Variants in GRHL2 observed in about 807,000 individuals in gnomAD.
GRHL2 encodes the protein grainyhead like transcription factor 2, also known as grainyhead-like protein 2 homolog.
A neutral mutation model predicts 83.8 loss-of-function variants in GRHL2; 21 were observed. The observed-to-expected ratio is 0.25, with a 90% confidence interval of 0.18 to 0.36. The LOEUF (loss-of-function observed/expected upper bound fraction) is 0.36. Among genes scored for constraint, GRHL2 ranks in the 10% least tolerant of loss-of-function variants. The pLI is 1.00. For missense variants in GRHL2, 623 were observed against 781.8 expected, an observed-to-expected ratio of 0.80 and a Z score of 2.42; for synonymous variants, 280 against 278.9, an observed-to-expected ratio of 1.00 and a Z score of -0.04.
At chr8:101,583,497 A>G (rs564155596) in intron 7 of GRHL2, among the ~76,000 whole-genome samples, 1 of 152,300 alleles carries the variant, frequency 6.6e-6, no homozygotes, top group East Asian at 1.9e-4. Flanking sequence ...AGGAGCAGCA[A>G]GGCCAAGTGT....
chr8:101,674,853 A>C, the GRHL2 span, among the ~76,000 whole-genome samples: 1 of 152,154 alleles, frequency 6.6e-6, no homozygotes, highest in East Asian at 1.9e-4. Context: ...CAAAAAGCTT[A>C]TCCACCATGA....
intron 7 of GRHL2, among the ~76,000 whole-genome samples, chr8:101,596,371 A>C (rs1269311578): frequency 6.6e-6 from 1 of 152,224 alleles, no homozygotes; most frequent in Non-Finnish European, 1.5e-5. Flanking sequence ...CACTTTGACA[A>C]AATGAATTAA....
chr8:101,589,712 G>T (rs933302428), intron 7 of GRHL2, among the ~76,000 whole-genome samples: 5 of 152,112 alleles, frequency 3.3e-5, no homozygotes, highest in African/African-American at 9.7e-5. Flanking sequence ...ATCTGTGAGG[G>T]TATTATACTA....
chr8:101,586,141 G>A (rs1419492089), intron 7 of GRHL2, among the ~76,000 whole-genome samples: 1 of 141,520 alleles, frequency 7.1e-6, no homozygotes, highest in African/African-American at 2.7e-5. Context: ...CTGCAGTGGC[G>A]CAATCTCGGC....
chr8:101,594,872 T>C (rs1291382382), intron 7 of GRHL2, among the ~76,000 whole-genome samples: 1 of 152,204 alleles, frequency 6.6e-6, no homozygotes, highest in Non-Finnish European at 1.5e-5. Flanking sequence ...ATAACATATA[T>C]AACTAATGAG....
downstream of GRHL2, among the ~76,000 whole-genome samples, chr8:101,674,550 A>T (rs1290928821): frequency 3.3e-5 from 5 of 152,210 alleles, no homozygotes; most frequent in Non-Finnish European, 5.9e-5. Flanking sequence ...AGGCTCTGAA[A>T]TTGAGGCAGT....
At chr8:101,572,764 C>A (rs922078665) in intron 5 of GRHL2, among the ~76,000 whole-genome samples, 10 of 151,930 alleles carry the variant, frequency 6.6e-5, no homozygotes, top group Admixed American at 2.6e-4. Context: ...ATATACTCTT[C>A]GAAGTTGGGA....
rs144652797 is a variant in GRHL2, at chr8:101,635,125, T to TA, written c.1486-1765dup. On this transcript the variant is annotated intron_variant, in intron 11 of 15. Transcript: ENST00000646743. ...AAACCATCTCTTGCACTGTTGTTTG[T>TA]AAAAAAACTTTTCCCACATCACAGG... Among the ~76,000 whole-genome samples the TA allele has an allele frequency of 8.2e-3, 1,253 of 152,274 alleles. 20 individuals carry two copies. The highest frequency in any genetic ancestry group is 0.029 in the African/African-American group (1,203 of 41,532).
intron 1 of GRHL2, among the ~76,000 whole-genome samples, chr8:101,493,572 G>T (rs1158499520): frequency 2.0e-5 from 3 of 152,112 alleles, no homozygotes; most frequent in South Asian, 2.1e-4. Context: ...GCGAAGGGGC[G>T]CCTGCCACTG....
At chr8:101,562,553 A>G in intron 4 of GRHL2, 1 of 239,002 alleles carries the variant, frequency 4.2e-6, no homozygotes, top group Non-Finnish European at 8.0e-6. Context: ...ATTTTTATAT[A>G]TGGTGTGAGG....
chr8:101,584,834 G>C (rs28579707), intron 7 of GRHL2, among the ~76,000 whole-genome samples: 43,662 of 151,578 alleles, frequency 0.29, 6,661 homozygotes, highest in African/African-American at 0.38. Flanking sequence ...TGGCTAGCTG[G>C]TCAGGTGGCT....
In GRHL2 at chr8:101,655,859, A is replaced by C. The variant is rs1000694435; in HGVS notation, c.1698+6360A>C. ...TCCAATTCTTTTTATCTGCATTTCT[A>C]GTGATTTTTACCTAGTAATCTTGCA... On this transcript the variant is annotated intron_variant, in intron 14 of 15. Coordinates refer to ENST00000646743, the MANE Select transcript of GRHL2 (RefSeq NM_024915.4). Among the ~76,000 whole-genome samples, 6 of 152,256 alleles carry C rather than the reference A, an allele frequency of 3.9e-5. No homozygotes were observed. In the South Asian group the frequency reaches 1.2e-3, roughly 32 times the overall value.
chr8:101,573,892 T>C lies in GRHL2; in HGVS notation c.891+68T>C, dbSNP rs1289167811. ...GAACGGAATGGCTACCTCACAGCCT[T>C]GTGGAATGGCATGGAAAAAAAATAA... On this transcript the variant is annotated intron_variant, in intron 6 of 15. Transcript: ENST00000646743. The C allele has an allele frequency of 1.9e-6, 3 of 1,541,246 alleles. No homozygotes were observed. In the South Asian group the frequency reaches 3.4e-5, roughly 17 times the overall value.
intron 4 of GRHL2, among the ~76,000 whole-genome samples, chr8:101,568,894 T>TA (rs1811768618): frequency 6.6e-6 from 1 of 152,144 alleles, no homozygotes; most frequent in African/African-American, 2.4e-5. Context: ...TAAGATTGGA[T>TA]AAAAAGAAGG....
chr8:101,649,416 C>A lies in GRHL2; in HGVS notation c.1615C>A (p.Leu539Ile). 1.2e-6 allele frequency: 2 copies of A among 1,613,466 alleles called. No individual in the cohort carries two copies. The highest frequency in any genetic ancestry group is 2.2e-5 in the South Asian group (2 of 91,018). Reference sequence around the variant, plus strand: ...GCTCTCTTGCCCATCTCTTCCAGTGCTCTTGTACGTGAGGAAGGAGACTGA... The same window carrying A: ...GCTCTCTTGCCCATCTCTTCCAGTGATCTTGTACGTGAGGAAGGAGACTGA... ...QMKEEGTKRVLLYVRKETDDV... is the reference protein window; with the variant it reads ...QMKEEGTKRVILYVRKETDDV... The change falls in exon 14 of 16, where the codon CTC becomes ATC. Residue 539 changes from leucine (L) to isoleucine (I), a missense_variant and splice_region_variant. By Grantham distance (5) the Leu-to-Ile change is conservative. Transcript: ENST00000646743.
chr8:101,598,900 A>G (rs1259137015), intron 7 of GRHL2, among the ~76,000 whole-genome samples, 157 bp from the exon 8 acceptor site: 1 of 152,236 alleles, frequency 6.6e-6, no homozygotes, highest in African/African-American at 2.4e-5. Flanking sequence ...AGTATTAGTA[A>G]AAGAACATCA....
intron 14 of GRHL2, among the ~76,000 whole-genome samples, chr8:101,654,909 G>T (rs1193933542): frequency 6.6e-6 from 1 of 152,182 alleles, no homozygotes; most frequent in Non-Finnish European, 1.5e-5. Context: ...CAGGCCAGGG[G>T]TAGTGGCTCA....
chr8:101,591,957 A>G (rs1483354271), intron 7 of GRHL2, among the ~76,000 whole-genome samples: 2 of 152,196 alleles, frequency 1.3e-5, no homozygotes, highest in African/African-American at 4.8e-5. Flanking sequence ...CTTACTGTGC[A>G]GGTAACTGCC....
intron 14 of GRHL2, among the ~76,000 whole-genome samples, chr8:101,659,401 C>A (rs1813869694): frequency 6.6e-6 from 1 of 152,092 alleles, no homozygotes; most frequent in African/African-American, 2.4e-5. Flanking sequence ...ATCTGTAGAC[C>A]CCCAGGTTAA....
Sources: allele counts gnomAD v4.1 joint callset (sites outside exome capture counted in the v4.1 genomes callset), GRCh38; gene constraint gnomAD v4.1.1; transcripts MANE v1.5; gene names NCBI Gene and HGNC (gene_info 2026-07-23, HGNC 2026-07-21).